The following OSBPL10 variants were observed in gnomAD, a reference collection of about 807,000 sequenced individuals.
OSBPL10 encodes the protein oxysterol-binding protein-related protein 10.
A neutral mutation model predicts 81.7 loss-of-function variants in OSBPL10; 49 were observed. That is an observed-to-expected ratio of 0.60 (90% CI 0.48 to 0.76). The LOEUF (loss-of-function observed/expected upper bound fraction) is 0.76. OSBPL10 is among the 30% of genes least tolerant of loss of function. OSBPL10 has a pLI of 0.00. For synonymous variants in OSBPL10, 419 were observed against 383.6 expected (o/e 1.09, Z -1.08); for missense variants, 923 against 987.8 (o/e 0.93, Z 0.88).
chr3:32,069,917 C>T (rs1023973103), intron 1 of OSBPL10, among the ~76,000 whole-genome samples: 1 of 152,218 alleles, frequency 6.6e-6, no homozygotes, highest in African/African-American at 2.4e-5. Context: ...TGCCCGCAGC[C>T]CAGGATTCTT....
intron 1 of OSBPL10, among the ~76,000 whole-genome samples, chr3:31,936,863 C>T (rs1323078908): frequency 6.6e-6 from 1 of 152,148 alleles, no homozygotes; most frequent in African/African-American, 2.4e-5. Flanking sequence ...CTTATCACAC[C>T]GTGTAACCAA....
At chr3:31,708,938 G>A (rs1696164289) in intron 6 of OSBPL10, 1 of 985,450 alleles carries the variant, frequency 1.0e-6, no homozygotes, top group Non-Finnish European at 1.2e-6. Flanking sequence ...CCCTGCTGCA[G>A]GGCGGCTGTT....
At chr3:31,845,031 G>T (rs1017360171) in intron 3 of OSBPL10, among the ~76,000 whole-genome samples, 1 of 152,198 alleles carries the variant, frequency 6.6e-6, no homozygotes, top group Non-Finnish European at 1.5e-5. Context: ...GCAGTAAGCC[G>T]TGTTTGTGCC....
At chr3:31,691,527 C>G (rs181799869) in intron 7 of OSBPL10, among the ~76,000 whole-genome samples, 1 of 152,244 alleles carries the variant, frequency 6.6e-6, no homozygotes, top group Non-Finnish European at 1.5e-5. Context: ...CAAGACCAAC[C>G]TGGCTGCAAG....
chr3:31,932,530 C>T (rs142699222), intron 1 of OSBPL10, among the ~76,000 whole-genome samples: 1 of 152,146 alleles, frequency 6.6e-6, no homozygotes, highest in Admixed American at 6.6e-5. Flanking sequence ...ACCTTGTCTC[C>T]ACAAACCCAC....
intron 4 of OSBPL10, among the ~76,000 whole-genome samples, chr3:31,786,408 C>T (rs555203299): frequency 4.6e-5 from 7 of 152,174 alleles, no homozygotes; most frequent in South Asian, 2.1e-4. Context: ...TATAAACCTA[C>T]GACTGGGTAA....
chr3:31,813,354 C>T (rs1699756374), intron 4 of OSBPL10, among the ~76,000 whole-genome samples: 1 of 152,210 alleles, frequency 6.6e-6, no homozygotes, highest in African/African-American at 2.4e-5. Flanking sequence ...GCCTGAGACA[C>T]AGCCCTAATC....
chr3:31,875,235 A>C (rs72851819), intron 3 of OSBPL10, among the ~76,000 whole-genome samples: 1 of 152,016 alleles, frequency 6.6e-6, no homozygotes, highest in Non-Finnish European at 1.5e-5. Flanking sequence ...AAGAACAACT[A>C]TCTCTAATGA....
At chr3:31,945,579 G>C (rs1697676338) in intron 1 of OSBPL10, among the ~76,000 whole-genome samples, 1 of 152,120 alleles carries the variant, frequency 6.6e-6, no homozygotes, top group Non-Finnish European at 1.5e-5. Context: ...CAATATCCAA[G>C]GATCTCAACA....
chr3:31,865,887 T>C (rs1436252882), intron 3 of OSBPL10, among the ~76,000 whole-genome samples: 1 of 152,194 alleles, frequency 6.6e-6, no homozygotes. Context: ...AGTATAAGCG[T>C]AAACACTTTG....
intron 2 of OSBPL10, among the ~76,000 whole-genome samples, chr3:32,003,840 G>GA (rs1243610699): frequency 6.6e-6 from 1 of 152,158 alleles, no homozygotes; most frequent in Non-Finnish European, 1.5e-5. Context: ...GAGCAAGGTG[G>GA]AAAAGGGAGA....
intron 4 of OSBPL10, among the ~76,000 whole-genome samples, chr3:31,827,412 G>A (rs1404682906): frequency 3.3e-5 from 5 of 152,110 alleles, no homozygotes; most frequent in Non-Finnish European, 5.9e-5. Context: ...TGAGGTGGGC[G>A]GATCACGAGG....
At chr3:31,859,760 C>G (rs1006750827) in intron 3 of OSBPL10, among the ~76,000 whole-genome samples, 3 of 152,192 alleles carry the variant, frequency 2.0e-5, no homozygotes, top group African/African-American at 4.8e-5. Flanking sequence ...GCAGCAACTG[C>G]TTGTGCTGAG....
At chr3:31,866,747 A>G (rs562346715) in intron 3 of OSBPL10, among the ~76,000 whole-genome samples, 12 of 152,120 alleles carry the variant, frequency 7.9e-5, no homozygotes, top group Admixed American at 2.6e-4. Flanking sequence ...GGCTGTCCAG[A>G]CCCCAGTGGA....
intron 4 of OSBPL10, among the ~76,000 whole-genome samples, chr3:31,767,578 C>T (rs1698238203): frequency 1.1e-5 from 1 of 87,680 alleles, no homozygotes; most frequent in South Asian, 4.9e-4. Context: ...ACTTAGAAGT[C>T]CCCGTGCCCC....
At chr3:32,043,604 G>A (rs572719441) in intron 2 of OSBPL10, among the ~76,000 whole-genome samples, 9 of 152,246 alleles carry the variant, frequency 5.9e-5, no homozygotes, top group East Asian at 1.9e-4. Context: ...GGCTCCAGCC[G>A]GTCCCTCCGT....
At chr3:31,964,564 G>A (rs1575064485) in intron 1 of OSBPL10, among the ~76,000 whole-genome samples, 1 of 152,170 alleles carries the variant, frequency 6.6e-6, no homozygotes, top group Admixed American at 6.5e-5. Context: ...TTCACTTGAC[G>A]AGGTAAATAA....
chr3:31,762,939 G>A (rs1349194583), intron 4 of OSBPL10, among the ~76,000 whole-genome samples: 1 of 152,020 alleles, frequency 6.6e-6, no homozygotes, highest in Admixed American at 6.6e-5. Context: ...ACAGATCACA[G>A]CACAAAGGCT....
intron 2 of OSBPL10, among the ~76,000 whole-genome samples, chr3:32,010,048 C>T (rs139673397): frequency 0.011 from 1,609 of 152,086 alleles, 28 homozygotes; most frequent in African/African-American, 0.036. Flanking sequence ...GAAGTTGTAA[C>T]GGTAGGGCCC....
Sources: allele counts gnomAD v4.1 joint callset (sites outside exome capture counted in the v4.1 genomes callset), GRCh38; gene constraint gnomAD v4.1.1; transcripts MANE v1.5; gene names NCBI Gene and HGNC (gene_info 2026-07-23, HGNC 2026-07-21).